ZNF277: variants seen among roughly 807,000 people sequenced by gnomAD.
ZNF277 encodes zinc finger protein 277.
ZNF277 carries 55 observed loss-of-function variants against 60.7 expected under a neutral mutation model. The observed-to-expected ratio is 0.91, with a 90% CI of 0.73 to 1.13. ZNF277 has a LOEUF of 1.13. Ranked by LOEUF, ZNF277 falls within the 50% of genes most tolerant of loss-of-function variation. The pLI, the probability that ZNF277 is intolerant of heterozygous loss-of-function variation, is 0.00. For synonymous variants in ZNF277, 178 were observed against 179.3 expected (o/e 0.99, Z 0.06); for missense variants, 510 against 523.0 (o/e 0.98, Z 0.24).
intron 1 of ZNF277, among the ~76,000 whole-genome samples, chr7:112,231,264 T>G (rs900164260): frequency 2.0e-5 from 3 of 152,152 alleles, no homozygotes; most frequent in Non-Finnish European, 4.4e-5. Context: ...TGTGTAAAAT[T>G]TTTTTAAAAA....
intron 1 of ZNF277, among the ~76,000 whole-genome samples, chr7:112,261,621 C>T (rs1181922658): frequency 2.0e-5 from 3 of 152,136 alleles, no homozygotes; most frequent in African/African-American, 7.2e-5. Flanking sequence ...AATACTACCA[C>T]ACCACATAAC....
At chr7:112,286,248 G>A (rs1792061326) in intron 1 of ZNF277, among the ~76,000 whole-genome samples, 1 of 152,198 alleles carries the variant, frequency 6.6e-6, no homozygotes, top group South Asian at 2.1e-4. Context: ...ACAGAAGCCT[G>A]AATTGTAATG....
intron 1 of ZNF277, among the ~76,000 whole-genome samples, chr7:112,251,579 G>T (rs1791200933): frequency 1.3e-5 from 2 of 152,084 alleles, no homozygotes; most frequent in African/African-American, 4.8e-5. Context: ...TCCCCAATGG[G>T]GAAGGATTCT....
At chr7:112,215,754 C>T (rs973496433) in intron 1 of ZNF277, among the ~76,000 whole-genome samples, 1 of 152,182 alleles carries the variant, frequency 6.6e-6, no homozygotes, top group African/African-American at 2.4e-5. Flanking sequence ...CTCTCCCCTC[C>T]CTGCAAGTAA....
At chr7:112,233,681 C>T (rs1822402731) in intron 1 of ZNF277, among the ~76,000 whole-genome samples, 1 of 152,108 alleles carries the variant, frequency 6.6e-6, no homozygotes, top group Non-Finnish European at 1.5e-5. Flanking sequence ...TTCAAATTGA[C>T]TACAGGGTTA....
chr7:112,307,495 G>T (rs1792627074), intron 4 of ZNF277, among the ~76,000 whole-genome samples: 1 of 151,480 alleles, frequency 6.6e-6, no homozygotes, highest in Non-Finnish European at 1.5e-5. Flanking sequence ...GCTCACTGCA[G>T]CCTCCGCCTC....
intron 1 of ZNF277, among the ~76,000 whole-genome samples, chr7:112,239,150 C>T (rs192365043): frequency 6.6e-6 from 1 of 152,014 alleles, no homozygotes; most frequent in Non-Finnish European, 1.5e-5. Flanking sequence ...GAGAAAGACT[C>T]CTTCTTGAGG....
intron 1 of ZNF277, among the ~76,000 whole-genome samples, chr7:112,257,302 A>T (rs1302412511): frequency 6.6e-6 from 1 of 152,222 alleles, no homozygotes; most frequent in Non-Finnish European, 1.5e-5. Flanking sequence ...TAGGTGGTAG[A>T]ACCAGAAGAA....
At chr7:112,269,028 C>T (rs1791607575) in intron 1 of ZNF277, among the ~76,000 whole-genome samples, 1 of 152,038 alleles carries the variant, frequency 6.6e-6, no homozygotes, top group South Asian at 2.1e-4. Context: ...TGTTATCTGG[C>T]ATTAATATGA....
intron 2 of ZNF277, among the ~76,000 whole-genome samples, chr7:112,294,151 C>T (rs190286584): frequency 6.6e-6 from 1 of 152,260 alleles, no homozygotes. Context: ...TTTTTATTCT[C>T]TTAAGCCTCC....
intron 1 of ZNF277, among the ~76,000 whole-genome samples, chr7:112,256,584 T>C (rs1791316158): frequency 6.6e-6 from 1 of 152,030 alleles, no homozygotes; most frequent in African/African-American, 2.4e-5. Context: ...TAGCTGGGAT[T>C]ACAGATGTGC....
chr7:112,337,311 C>T (rs1793353376), intron 8 of ZNF277, among the ~76,000 whole-genome samples: 1 of 152,220 alleles, frequency 6.6e-6, no homozygotes, highest in Admixed American at 6.5e-5. Flanking sequence ...GTAAAATACA[C>T]TATTTGTCAT....
In ZNF277 at chr7:112,304,738, T is replaced by G. The variant is rs1792551948; in HGVS notation, c.465+8427T>G. 2.0e-5 allele frequency among the ~76,000 whole-genome samples: 3 copies of G among 152,124 alleles called. No homozygotes were observed. The South Asian group carries it at 6.2e-4, about 31-fold the overall frequency. ...TCTTACTGTCAGAAAAGATAAGAAA[T>G]GGCAGACAGAACAAGAGGAGTTGGT... On this transcript the variant is annotated intron_variant, in intron 4 of 11. Coordinates refer to ENST00000361822, the MANE Select transcript of ZNF277 (RefSeq NM_021994.3).
intron 1 of ZNF277, among the ~76,000 whole-genome samples, chr7:112,210,212 TTTC>T (rs1821700657): frequency 6.6e-6 from 1 of 152,290 alleles, no homozygotes; most frequent in East Asian, 1.9e-4. Flanking sequence ...TTTAAGAGAT[TTTC>T]TTCTTGCTCT....
intron 4 of ZNF277, among the ~76,000 whole-genome samples, chr7:112,296,938 T>A (rs1792366314): frequency 1.9e-5 from 2 of 103,246 alleles, no homozygotes; most frequent in African/African-American, 7.0e-5. Flanking sequence ...TTTTTTTTTT[T>A]TTTTTTTGAG....
chr7:112,306,711 C>G (rs944633373), intron 4 of ZNF277, among the ~76,000 whole-genome samples: 1 of 150,708 alleles, frequency 6.6e-6, no homozygotes, highest in Non-Finnish European at 1.5e-5. Flanking sequence ...CCAGACCTGA[C>G]CTATCCTGTC....
intron 1 of ZNF277, among the ~76,000 whole-genome samples, chr7:112,266,233 A>T (rs1584359698): frequency 6.6e-6 from 1 of 151,826 alleles, no homozygotes; most frequent in Non-Finnish European, 1.5e-5. Context: ...GCAACCTCCC[A>T]TCTCCTGGGT....
chr7:112,213,622 T>G (rs1345423824), intron 1 of ZNF277, among the ~76,000 whole-genome samples: 1 of 152,186 alleles, frequency 6.6e-6, no homozygotes. Flanking sequence ...TATGTACAAA[T>G]GAGGAAACTG....
chr7:112,258,687 A>G (rs1159917624), intron 1 of ZNF277, among the ~76,000 whole-genome samples: 1 of 152,134 alleles, frequency 6.6e-6, no homozygotes, highest in African/African-American at 2.4e-5. Context: ...GCTGTTTGTC[A>G]AGATGGGCAA....
Sources: gnomAD v4.1 joint callset for allele counts (sites outside exome capture counted in the v4.1 genomes callset) on GRCh38, gnomAD v4.1.1 for gene constraint, MANE v1.5 for transcripts, NCBI Gene and HGNC (gene_info 2026-07-23, HGNC 2026-07-21) for gene names.